Variants in PCDH9 observed in about 807,000 individuals in gnomAD.
The protein encoded by PCDH9 is protocadherin-9.
Under a neutral mutation model 70.6 loss-of-function variants are expected in PCDH9, and 24 were observed. That is an observed-to-expected ratio of 0.34 (90% CI 0.25 to 0.48). The LOEUF (loss-of-function observed/expected upper bound fraction) is 0.48, where lower values mean the gene tolerates loss of function less well. Ranked by LOEUF, PCDH9 falls within the 20% of genes least tolerant of loss-of-function variation. PCDH9 has a pLI of 0.99. For synonymous variants in PCDH9, 562 were observed against 558.5 expected, an observed-to-expected ratio of 1.01 and a Z score of -0.09; for missense variants, 1,281 against 1,503.6, an observed-to-expected ratio of 0.85 and a Z score of 2.45.
intron 2 of PCDH9, chr13:67,204,103 T>C (rs2089282614): frequency 6.6e-6 from 1 of 152,118 alleles, no homozygotes; most frequent in African/African-American, 2.4e-5. Flanking sequence ...ATATTTATTT[T>C]TGCATCTAAT....
intron 2 of PCDH9, among the ~76,000 whole-genome samples, chr13:67,146,011 A>G (rs1372273365): frequency 6.6e-6 from 1 of 152,112 alleles, no homozygotes; most frequent in East Asian, 1.9e-4. Flanking sequence ...TTAAGAATTA[A>G]TTCTGTCTGC....
chr13:66,683,216 T>A (rs144162656), intron 3 of PCDH9, among the ~76,000 whole-genome samples: 14 of 152,236 alleles, frequency 9.2e-5, no homozygotes, highest in Admixed American at 2.0e-4. Context: ...CCTCCCTTTT[T>A]CCCAGCAGGC....
At chr13:67,126,518 T>A (rs1342722458) in intron 2 of PCDH9, among the ~76,000 whole-genome samples, 1 of 152,140 alleles carries the variant, frequency 6.6e-6, no homozygotes, top group Non-Finnish European at 1.5e-5. Flanking sequence ...GAGGCAAGTT[T>A]GGCCAAGAAG....
chr13:66,472,396 C>T (rs1016280628), intron 4 of PCDH9, among the ~76,000 whole-genome samples: 2 of 149,306 alleles, frequency 1.3e-5, no homozygotes, highest in African/African-American at 4.9e-5. Flanking sequence ...TTGGCAAAAC[C>T]TCATCTCTAC....
chr13:66,919,784 A>G (rs2082611375), intron 2 of PCDH9, among the ~76,000 whole-genome samples: 1 of 151,168 alleles, frequency 6.6e-6, no homozygotes, highest in Non-Finnish European at 1.5e-5. Flanking sequence ...GAAGGTGGAC[A>G]AGAAACTCAA....
chr13:66,755,888 C>T (rs1179519060), intron 3 of PCDH9, among the ~76,000 whole-genome samples: 1 of 152,146 alleles, frequency 6.6e-6, no homozygotes, highest in Non-Finnish European at 1.5e-5. Context: ...CTCATGGGTC[C>T]AGATGGCGAT....
Position 66,765,395 on chromosome 13 carries a change from T to C in PCDH9, c.3139-133984A>G, listed in dbSNP as rs539940345. Among the ~76,000 whole-genome samples, 17 of 152,184 alleles carry C rather than the reference T, an allele frequency of 1.1e-4. No homozygotes were observed. The South Asian group carries it at 3.5e-3, about 32-fold the overall frequency. ...TAGATAAACACATGCTAATGTCTTA[T>C]ACTTTGGAGTATTCTTAATGTGTGA... On this transcript the variant is annotated intron_variant, in intron 3 of 4. Transcript: ENST00000377865.
chr13:66,761,097 A>G (rs1021517780), intron 3 of PCDH9, among the ~76,000 whole-genome samples: 3 of 151,852 alleles, frequency 2.0e-5, no homozygotes, highest in African/African-American at 7.3e-5. Flanking sequence ...GTGATATTTT[A>G]TTGCCTTGGA....
intron 4 of PCDH9, among the ~76,000 whole-genome samples, chr13:66,621,804 G>A (rs998848570): frequency 6.6e-5 from 10 of 152,238 alleles, no homozygotes; most frequent in Admixed American, 2.0e-4. Context: ...CACAGCCCTG[G>A]CTCGCTCTCA....
chr13:66,515,052 A>G (rs950261339), intron 4 of PCDH9, among the ~76,000 whole-genome samples: 2 of 152,210 alleles, frequency 1.3e-5, no homozygotes, highest in East Asian at 3.9e-4. Context: ...TGAGAGCACT[A>G]CTAGTCTCAT....
At chr13:66,744,904 G>A (rs556751188) in intron 3 of PCDH9, among the ~76,000 whole-genome samples, 36 of 152,198 alleles carry the variant, frequency 2.4e-4, no homozygotes, top group Non-Finnish European at 4.4e-4. Context: ...ATATCTCAGA[G>A]AGAAAAGTTT....
At chr13:67,229,240 A>G (rs1056432669) in intron 1 of PCDH9, among the ~76,000 whole-genome samples, 1 of 152,228 alleles carries the variant, frequency 6.6e-6, no homozygotes, top group African/African-American at 2.4e-5. Flanking sequence ...ATATTGACAA[A>G]TTATCCTCAT....
intron 4 of PCDH9, among the ~76,000 whole-genome samples, chr13:66,356,045 T>A (rs1956377295): frequency 6.6e-6 from 1 of 152,156 alleles, no homozygotes; most frequent in African/African-American, 2.4e-5. Context: ...TAAATGAAAT[T>A]GTGTGGAAAC....
At chr13:67,169,308 TTA>T (rs1191681177) in intron 2 of PCDH9, among the ~76,000 whole-genome samples, 1 of 152,228 alleles carries the variant, frequency 6.6e-6, no homozygotes, top group Non-Finnish European at 1.5e-5. Flanking sequence ...AAATTTATTT[TTA>T]TATATTGTAC....
intron 4 of PCDH9, among the ~76,000 whole-genome samples, chr13:66,462,390 A>G (rs750783898): frequency 6.6e-6 from 1 of 151,830 alleles, no homozygotes; most frequent in Non-Finnish European, 1.5e-5. Flanking sequence ...AGGAAGAGAC[A>G]TCTATTGGGG....
At chr13:66,580,285 C>CA (rs1275443155) in intron 4 of PCDH9, among the ~76,000 whole-genome samples, 1 of 151,910 alleles carries the variant, frequency 6.6e-6, no homozygotes, top group Non-Finnish European at 1.5e-5. Context: ...TTGGCATATA[C>CA]AACTATTTAT....
chr13:66,853,485 G>A (rs997133468), intron 3 of PCDH9, among the ~76,000 whole-genome samples: 3 of 152,038 alleles, frequency 2.0e-5, no homozygotes, highest in African/African-American at 7.2e-5. Context: ...TCAAATGAAT[G>A]TGAGTTCCTA....
chr13:66,876,535 G>A (rs1183397641), intron 3 of PCDH9, among the ~76,000 whole-genome samples: 1 of 152,104 alleles, frequency 6.6e-6, no homozygotes, highest in African/African-American at 2.4e-5. Context: ...TGAATTTGAG[G>A]AAATGCCTGT....
chr13:66,871,035 A>G (rs1423943836), intron 3 of PCDH9, among the ~76,000 whole-genome samples: 1 of 152,146 alleles, frequency 6.6e-6, no homozygotes, highest in Non-Finnish European at 1.5e-5. Flanking sequence ...TGGCACATAT[A>G]CACCATGGAA....
Sources: allele counts gnomAD v4.1 joint callset (sites outside exome capture counted in the v4.1 genomes callset), GRCh38; gene constraint gnomAD v4.1.1; transcripts MANE v1.5; gene names NCBI Gene and HGNC (gene_info 2026-07-23, HGNC 2026-07-21).